Variants in ACOT12 observed in about 807,000 individuals in gnomAD.
The protein encoded by ACOT12 is acetyl-coenzyme A thioesterase.
In ACOT12, 51 loss-of-function variants were observed where a neutral mutation model predicts 67.7. That is an observed-to-expected ratio of 0.75 (90% CI 0.60 to 0.95). ACOT12 has a LOEUF of 0.95. Ranked by LOEUF, ACOT12 falls within the 40% of genes least tolerant of loss-of-function variation. The probability of loss-of-function intolerance (pLI) is 0.00; values close to 1 mark genes in which losing one functional copy is unlikely to be tolerated. For missense variants in ACOT12, 734 were observed against 708.1 expected, an observed-to-expected ratio of 1.04 and a Z score of -0.41; for synonymous variants, 251 against 244.6, an observed-to-expected ratio of 1.03 and a Z score of -0.24.
At chr5:81,317,028 C>G in the ACOT12 span, among the ~76,000 whole-genome samples, 1 of 152,046 alleles carries the variant, frequency 6.6e-6, no homozygotes, top group Non-Finnish European at 1.5e-5. Flanking sequence ...TGATGGTGTC[C>G]TTTGAGGCAC....
intron 1 of ACOT12, among the ~76,000 whole-genome samples, chr5:81,388,843 A>G (rs1280390890): frequency 6.6e-6 from 1 of 152,144 alleles, no homozygotes; most frequent in Non-Finnish European, 1.5e-5. Flanking sequence ...TATTCTCATA[A>G]TAGTGAATAA....
At chr5:81,319,775 A>G in the ACOT12 span, among the ~76,000 whole-genome samples, 56 of 152,002 alleles carry the variant, frequency 3.7e-4, no homozygotes, top group African/African-American at 1.1e-3. Flanking sequence ...CTATCCCCCA[A>G]TGCTCACAGA....
rs753806319 is a variant in ACOT12 at position 81,385,800 on chromosome 5, C to A, written c.154G>T (p.Val52Phe). The A allele has an allele frequency of 6.2e-7, 1 of 1,613,954 alleles. No homozygotes were observed. Among genetic ancestry groups the A allele is most frequent in the African/African-American group, 1.3e-5 (1 of 74,996 alleles). ...AAEKHAGVSC[V>F]TASVDDIQFE... is the part of the protein sequence containing the mutation. ...TGTATGTCATCCACTGAGGCTGTAA[C>A]GCAGGAAACTCCAGCATGTTTCTCA... The change falls in exon 2 of 15, where the codon GTT becomes TTT. Residue 52 changes from valine (V) to phenylalanine (F), a missense_variant. Val to Phe is a conservative substitution (Grantham distance 50). Transcript: ENST00000307624.
At position 81,344,172 on chromosome 5, in the gene ACOT12, A is replaced by C; in HGVS notation, c.968T>G (p.Ile323Ser). The C allele has an allele frequency of 6.2e-7, 1 of 1,613,822 alleles. No homozygotes were observed. Among genetic ancestry groups the C allele is most frequent in the Non-Finnish European group, 8.5e-7 (1 of 1,179,862 alleles). ...RYRGAIARKR[I>S]RLGRKYVISH... is the part of the protein sequence containing the mutation. ...TTATGTTCCTTACCTGCCTAGGCGA[A>C]TTCGCTTGCGTGCAATAGCTCCCCG... Residue 323 changes from isoleucine (I) to serine (S), a missense_variant, in exon 9 of 15, where the codon ATT (isoleucine) becomes AGT (serine). By Grantham distance (142) the Ile-to-Ser change is moderately radical. Transcript: ENST00000307624.
In ACOT12 at chr5:81,330,457, T is replaced by C; in HGVS notation, c.1605A>G (p.Thr535=). ...CTAAGAACTGTATACAAGAGGCTGC[T>C]GTTTCTTCAATGGATTTTGACCAGC... ...LGGWSKSIEE[T]AASCIQFLEN... The change falls in exon 15 of 15, where the codon ACA becomes ACG. Residue 535 remains threonine, a synonymous_variant. Coordinates refer to ENST00000307624, the MANE Select transcript of ACOT12 (RefSeq NM_130767.3). 1.9e-6 allele frequency: 3 copies of C among 1,614,166 alleles called. No individual in the cohort carries two copies. The highest frequency in any genetic ancestry group is 2.5e-6 in the Non-Finnish European group (3 of 1,179,998).
the ACOT12 span, among the ~76,000 whole-genome samples, chr5:81,315,967 C>T: frequency 6.6e-6 from 1 of 151,872 alleles, no homozygotes; most frequent in African/African-American, 2.4e-5. Context: ...AGAATATAAT[C>T]TCCACGGGGG....
intron 3 of ACOT12, among the ~76,000 whole-genome samples, chr5:81,366,392 A>G (rs1760078483): frequency 6.6e-6 from 1 of 152,242 alleles, no homozygotes; most frequent in Non-Finnish European, 1.5e-5. Flanking sequence ...AAATGATGGA[A>G]TAACAACAAA....
intron 4 of ACOT12, among the ~76,000 whole-genome samples, chr5:81,363,573 T>C (rs1380657172): frequency 1.3e-5 from 2 of 152,198 alleles, no homozygotes; most frequent in Non-Finnish European, 2.9e-5. Context: ...ACTTTCTATA[T>C]CGTCTTTTCT....
chr5:81,337,247 G>A (rs974232284), intron 11 of ACOT12, among the ~76,000 whole-genome samples: 3 of 152,226 alleles, frequency 2.0e-5, no homozygotes, highest in Non-Finnish European at 4.4e-5. Context: ...AGGAGCTGAG[G>A]GCAGGTGGCC....
intron 5 of ACOT12, among the ~76,000 whole-genome samples, chr5:81,348,842 G>C (rs112053961): frequency 1.3e-5 from 2 of 152,248 alleles, no homozygotes; most frequent in African/African-American, 4.8e-5. Flanking sequence ...GGGAATACAG[G>C]CGTGAGCCAC....
chr5:81,348,446 G>A (rs1759450363), intron 5 of ACOT12, among the ~76,000 whole-genome samples: 2 of 152,206 alleles, frequency 1.3e-5, no homozygotes, highest in South Asian at 4.1e-4. Flanking sequence ...AAGGACCAGA[G>A]ACACCAGGAA....
intron 10 of ACOT12, among the ~76,000 whole-genome samples, chr5:81,343,606 T>C (rs1759274164): frequency 6.6e-6 from 1 of 152,242 alleles, no homozygotes; most frequent in South Asian, 2.1e-4. Context: ...GTCTGCAGTT[T>C]GGGAACTGTA....
Position 81,361,218 on chromosome 5 carries a change from C to CT in ACOT12, c.361-1181dup, listed in dbSNP as rs113814402. ...TTGATGGCATGCACTGGTTTAACTC[C>CT]TTTTTTTTTTTTGAAACAGGGTCTC... On this transcript the variant is annotated intron_variant, in intron 4 of 14. Coordinates refer to ENST00000307624, the MANE Select transcript of ACOT12 (RefSeq NM_130767.3). 7.0e-3 allele frequency among the ~76,000 whole-genome samples: 999 copies of CT among 142,252 alleles called. 2 individuals carry two copies. The highest frequency in any genetic ancestry group is 0.021 in the African/African-American group (816 of 38,664). 93.3% of individuals were successfully genotyped at this position (142,252 alleles called of 152,430 possible).
chr5:81,356,561 T>C (rs1759720993), intron 5 of ACOT12, among the ~76,000 whole-genome samples: 1 of 152,146 alleles, frequency 6.6e-6, no homozygotes, highest in Non-Finnish European at 1.5e-5. Flanking sequence ...TCCTTTTGGA[T>C]GTCCACAGGC....
intron 10 of ACOT12, 117 bp from the exon 11 acceptor site, chr5:81,342,872 A>T: frequency 9.4e-7 from 1 of 1,058,342 alleles, no homozygotes. Context: ...AGTCCTAGTG[A>T]TAATGTTGAG....
At position 81,337,776 on chromosome 5, in the gene ACOT12, T is replaced by C. The variant is rs903919424; in HGVS notation, c.1129-1875A>G. Among the ~76,000 whole-genome samples, 7 of 152,224 alleles carry C rather than the reference T, an allele frequency of 4.6e-5. No individual in the cohort carries two copies. The South Asian group carries it at 6.2e-4, about 14-fold the overall frequency. ...GAATTGTGAGACAATAGATTTCTAATGTGTCCACTACCCAGTTTGTGGTCC... is the reference window on the plus strand; with the variant it reads ...GAATTGTGAGACAATAGATTTCTAACGTGTCCACTACCCAGTTTGTGGTCC... On this transcript the variant is annotated intron_variant, in intron 11 of 14. Coordinates refer to ENST00000307624, the MANE Select transcript of ACOT12 (RefSeq NM_130767.3).
intron 6 of ACOT12, 69 bp from the exon 7 acceptor site, chr5:81,346,073 CA>C (rs1401071037): frequency 6.3e-6 from 10 of 1,582,660 alleles, no homozygotes; most frequent in Admixed American, 5.4e-5. Context: ...AATGCACAGA[CA>C]AGTCTTCAAA....
At chr5:81,321,208 A>T in the ACOT12 span, among the ~76,000 whole-genome samples, 7 of 152,318 alleles carry the variant, frequency 4.6e-5, no homozygotes, top group Admixed American at 4.6e-4. Flanking sequence ...GTAAGCTAAG[A>T]TCGCACCACT....
chr5:81,377,955 T>A (rs9686399), intron 2 of ACOT12, among the ~76,000 whole-genome samples: 36,329 of 152,072 alleles, frequency 0.24, 6,396 homozygotes, highest in African/African-American at 0.5. Context: ...GAAGCTACCA[T>A]TGACTTTCTT....
Sources: gnomAD v4.1 joint callset for allele counts (sites outside exome capture counted in the v4.1 genomes callset) on GRCh38, gnomAD v4.1.1 for gene constraint, MANE v1.5 for transcripts, NCBI Gene and HGNC (gene_info 2026-07-23, HGNC 2026-07-21) for gene names.